The following DCC variants were observed in gnomAD, a reference collection of about 807,000 sequenced individuals.
DCC encodes netrin receptor DCC.
A neutral mutation model predicts 172.5 loss-of-function variants in DCC; 58 were observed. That is an observed-to-expected ratio of 0.34 (90% confidence interval 0.27 to 0.42). The LOEUF is 0.42. Among genes scored for constraint, DCC ranks in the 10% least tolerant of loss-of-function variants. The probability of loss-of-function intolerance (pLI) is 1.00; values close to 1 mark genes in which losing one functional copy is unlikely to be tolerated. For missense variants in DCC, 1,740 were observed against 1,791.0 expected (o/e 0.97, Z 0.51); for synonymous variants, 709 against 644.5 (o/e 1.10, Z -1.52).
chr18:53,433,811 CCTA>C lies in DCC; in HGVS notation c.3164-1330_3164-1328del, dbSNP rs779737665. Among the ~76,000 whole-genome samples, 4 of 152,302 alleles carry C rather than the reference CCTA, an allele frequency of 2.6e-5. No homozygotes were observed. The South Asian group carries it at 6.2e-4, about 24-fold the overall frequency. The stretch of plus-strand genomic sequence containing the variant: ...ACACATAGGAGCCTGCATCCTATCT[CCTA>C]CTTCCTTACATACTCACAGTCATTG... On this transcript the variant is annotated intron_variant, in intron 21 of 28. Coordinates refer to ENST00000442544, the MANE Select transcript of DCC (RefSeq NM_005215.4).
intron 12 of DCC, among the ~76,000 whole-genome samples, chr18:53,216,812 GA>G (rs1432786670): frequency 6.6e-6 from 1 of 151,966 alleles, no homozygotes; most frequent in Admixed American, 6.6e-5. Flanking sequence ...AAACTTAGTG[GA>G]AAAAATGAGC....
chr18:53,005,858 C>T (rs967425295), intron 5 of DCC, among the ~76,000 whole-genome samples: 10 of 152,132 alleles, frequency 6.6e-5, no homozygotes, highest in South Asian at 2.1e-4. Context: ...ACCTTTGCTT[C>T]GCTTATTTTT....
chr18:53,407,541 A>G (rs1042496173), intron 19 of DCC, among the ~76,000 whole-genome samples: 2 of 145,468 alleles, frequency 1.4e-5, no homozygotes, highest in African/African-American at 5.0e-5. Context: ...ATATATATAT[A>G]TATATATATA....
chr18:53,171,401 T>C (rs1012446630), intron 8 of DCC, among the ~76,000 whole-genome samples: 4 of 152,272 alleles, frequency 2.6e-5, no homozygotes, highest in East Asian at 1.9e-4. Flanking sequence ...GCACAATGCA[T>C]TTGCCTGGGT....
intron 12 of DCC, among the ~76,000 whole-genome samples, chr18:53,220,216 T>C (rs968009229): frequency 3.3e-5 from 5 of 152,082 alleles, no homozygotes; most frequent in Non-Finnish European, 7.4e-5. Context: ...TTTTGTTTTG[T>C]TTTTTTCTGA....
chr18:52,796,756 T>C (rs1354007128), intron 2 of DCC, among the ~76,000 whole-genome samples: 6 of 152,226 alleles, frequency 3.9e-5, no homozygotes, highest in Admixed American at 3.9e-4. Context: ...AATTCTGTCA[T>C]TGTCTCTGAC....
intron 23 of DCC, among the ~76,000 whole-genome samples, chr18:53,450,930 C>T (rs368454716): frequency 2.6e-5 from 4 of 152,272 alleles, no homozygotes; most frequent in East Asian, 1.9e-4. Context: ...TTCAAGTGAG[C>T]GCAGGTGTTC....
chr18:52,344,549 C>T (rs1038697177), intron 1 of DCC, among the ~76,000 whole-genome samples: 2 of 152,246 alleles, frequency 1.3e-5, no homozygotes, highest in East Asian at 1.9e-4. Flanking sequence ...TGCAGCTGCA[C>T]GCAGTAGGGT....
chr18:52,662,230 G>A lies in DCC; in HGVS notation c.92-89824G>A, dbSNP rs539351490. On this transcript the variant is annotated intron_variant, in intron 1 of 28. Coordinates refer to ENST00000442544, the MANE Select transcript of DCC (RefSeq NM_005215.4). ...TTCTAACAAGTTACCGGATAGATCCGATGCTACTGGTCTGTGAACAGGACT... is the reference window on the plus strand; with the variant it reads ...TTCTAACAAGTTACCGGATAGATCCAATGCTACTGGTCTGTGAACAGGACT... 4.6e-5 allele frequency among the ~76,000 whole-genome samples: 7 copies of A among 152,234 alleles called. No homozygotes were observed. The South Asian group carries it at 8.3e-4, about 18-fold the overall frequency.
intron 1 of DCC, among the ~76,000 whole-genome samples, chr18:52,698,692 G>A (rs1051460573): frequency 1.6e-4 from 24 of 151,440 alleles, no homozygotes; most frequent in Admixed American, 5.9e-4. Flanking sequence ...TCCACCTCCC[G>A]GGTTCAAGCA....
At chr18:52,897,463 C>G (rs546324262) in intron 2 of DCC, among the ~76,000 whole-genome samples, 1 of 152,304 alleles carries the variant, frequency 6.6e-6, no homozygotes, top group South Asian at 2.1e-4. Flanking sequence ...CATTTAGAGT[C>G]ACATAGAACC....
In DCC at chr18:52,549,449, C is replaced by CT. The variant is rs148007322; in HGVS notation, c.92-202602dup. Among the ~76,000 whole-genome samples, 258 of 152,144 alleles carry CT rather than the reference C, an allele frequency of 1.7e-3. 1 individual carries two copies. Among genetic ancestry groups the CT allele is most frequent in the African/African-American group, 5.4e-3 (226 of 41,544 alleles). ...CAGTCCACTTTTTGCTCATAAGCAA[C>CT]TTTCCCCCTCCGACTAATTTGTCTT... On this transcript the variant is annotated intron_variant, in intron 1 of 28. Coordinates refer to ENST00000442544, the MANE Select transcript of DCC (RefSeq NM_005215.4).
chr18:53,506,599 C>T lies in DCC; in HGVS notation c.4111+7089C>T, dbSNP rs35131600. Among the ~76,000 whole-genome samples the T allele has an allele frequency of 5.7e-3, 869 of 152,040 alleles. 3 individuals carry two copies. Among genetic ancestry groups the T allele is most frequent in the Middle Eastern group, 0.037 (11 of 294 alleles). On this transcript the variant is annotated intron_variant, in intron 27 of 28. Transcript: ENST00000442544. ...GCGGCCAGGTGTGGTGGCTCACACC[C>T]GTAATCCTAGCACTTTGGGAGGCTG...
chr18:53,048,013 A>G (rs942966060), intron 5 of DCC, among the ~76,000 whole-genome samples: 3 of 151,874 alleles, frequency 2.0e-5, no homozygotes. Context: ...TAATTAGGAA[A>G]ATGACATTTC....
chr18:53,322,605 A>G (rs2057425287), intron 14 of DCC, among the ~76,000 whole-genome samples: 2 of 151,960 alleles, frequency 1.3e-5, no homozygotes, highest in African/African-American at 4.8e-5. Flanking sequence ...TGATATTATC[A>G]TTACCTTTTC....
chr18:52,467,765 T>C (rs1257600359), intron 1 of DCC, among the ~76,000 whole-genome samples: 1 of 152,170 alleles, frequency 6.6e-6, no homozygotes, highest in Non-Finnish European at 1.5e-5. Context: ...TGGTATCTCA[T>C]TGGGGGTTTG....
At chr18:53,175,646 A>G (rs79572307) in intron 8 of DCC, among the ~76,000 whole-genome samples, 2,729 of 151,884 alleles carry the variant, frequency 0.018, 50 homozygotes, top group East Asian at 0.11. Flanking sequence ...CTTCAAGGAG[A>G]ACTACAAACC....
At position 52,429,176 on chromosome 18, in the gene DCC, C is replaced by T. The variant is rs376590571; in HGVS notation, c.91+88298C>T. 2.3e-4 allele frequency among the ~76,000 whole-genome samples: 35 copies of T among 152,132 alleles called. No homozygotes were observed. The East Asian group carries it at 4.6e-3, about 20-fold the overall frequency. ...AGTGTCTGTTAAGTACTAGGTACTG[C>T]GCTAAGCATTTTAAGCACAGTATCT... On this transcript the variant is annotated intron_variant, in intron 1 of 28. Transcript: ENST00000442544.
chr18:53,470,753 G>T (rs910422342), intron 25 of DCC, among the ~76,000 whole-genome samples: 4 of 152,194 alleles, frequency 2.6e-5, no homozygotes, highest in South Asian at 2.1e-4. Context: ...GAAGGGGGAA[G>T]AGCCCCATAT....
Sources: allele counts gnomAD v4.1 joint callset (sites outside exome capture counted in the v4.1 genomes callset), GRCh38; gene constraint gnomAD v4.1.1; transcripts MANE v1.5; gene names NCBI Gene and HGNC (gene_info 2026-07-23, HGNC 2026-07-21).